The following PRKD1 variants were observed in gnomAD, a reference collection of about 807,000 sequenced individuals.
PRKD1 encodes the protein protein kinase D1, also known as serine/threonine-protein kinase D1.
PRKD1 carries 63 observed loss-of-function variants against 95.9 expected under a neutral mutation model. The observed-to-expected ratio is 0.66, with a 90% CI of 0.54 to 0.81. The LOEUF (loss-of-function observed/expected upper bound fraction) is 0.81, where lower values mean the gene tolerates loss of function less well. Among genes scored for constraint, PRKD1 ranks in the 30% least tolerant of loss-of-function variants. PRKD1 has a pLI of 0.00. For synonymous variants in PRKD1, 425 were observed against 423.1 expected, an observed-to-expected ratio of 1.00 and a Z score of -0.05; for missense variants, 1,048 against 1,165.3, an observed-to-expected ratio of 0.90 and a Z score of 1.47.
At chr14:29,777,353 T>C (rs1449517591) in intron 1 of PRKD1, among the ~76,000 whole-genome samples, 1 of 152,022 alleles carries the variant, frequency 6.6e-6, no homozygotes, top group Admixed American at 6.6e-5. Context: ...ACTGGCAAAC[T>C]GGATAAAGAG....
chr14:29,826,685 A>G (rs1173824653), intron 1 of PRKD1, among the ~76,000 whole-genome samples: 1 of 46,548 alleles, frequency 2.1e-5, no homozygotes, highest in Admixed American at 2.9e-4. Context: ...ATATATATAT[A>G]CACACATATA....
intron 1 of PRKD1, among the ~76,000 whole-genome samples, chr14:29,865,446 A>G (rs2139367200): frequency 6.6e-6 from 1 of 152,312 alleles, no homozygotes; most frequent in East Asian, 1.9e-4. Flanking sequence ...GAAGTGATTC[A>G]TCCTTGAGGG....
At chr14:29,649,118 C>T (rs1881327195) in intron 4 of PRKD1, among the ~76,000 whole-genome samples, 1 of 152,124 alleles carries the variant, frequency 6.6e-6, no homozygotes, top group Non-Finnish European at 1.5e-5. Context: ...TCCTTTTGTT[C>T]CTTGAGTTTT....
intron 1 of PRKD1, among the ~76,000 whole-genome samples, chr14:29,776,740 A>G (rs1888777102): frequency 6.6e-6 from 1 of 152,242 alleles, no homozygotes; most frequent in Non-Finnish European, 1.5e-5. Context: ...ATCCAGGAGA[A>G]CTTCCCCAAA....
intron 4 of PRKD1, among the ~76,000 whole-genome samples, chr14:29,661,526 G>T: frequency 6.6e-6 from 1 of 152,214 alleles, no homozygotes; most frequent in Middle Eastern, 3.4e-3. Flanking sequence ...ATGAAGAAGC[G>T]AAGACATGAA....
chr14:29,765,723 A>G (rs1888227166), intron 1 of PRKD1, among the ~76,000 whole-genome samples: 1 of 152,216 alleles, frequency 6.6e-6, no homozygotes, highest in African/African-American at 2.4e-5. Flanking sequence ...TACAACTATA[A>G]ACAACAATGT....
At chr14:29,765,918 C>T (rs1004686319) in intron 1 of PRKD1, among the ~76,000 whole-genome samples, 4 of 152,068 alleles carry the variant, frequency 2.6e-5, no homozygotes, top group Admixed American at 6.6e-5. Context: ...AACAGGAGAG[C>T]TGGCAATATT....
chr14:29,586,750 T>C (rs1038058636), intron 16 of PRKD1, among the ~76,000 whole-genome samples: 4 of 152,156 alleles, frequency 2.6e-5, no homozygotes, highest in Non-Finnish European at 5.9e-5. Context: ...CAAGCAATTC[T>C]CCTGCCTCAG....
intron 1 of PRKD1, among the ~76,000 whole-genome samples, chr14:29,863,221 G>A (rs1892769142): frequency 6.6e-6 from 1 of 152,112 alleles, no homozygotes; most frequent in Non-Finnish European, 1.5e-5. Flanking sequence ...AGACATTTAG[G>A]TAGGTCCCTT....
At position 29,927,710 on chromosome 14, in the gene PRKD1, T is replaced by G. The variant is rs1216234299; in HGVS notation, c.-198A>C. On this transcript the variant is annotated 5_prime_UTR_variant, in exon 1 of 18. Transcript: ENST00000331968. Reference sequence around the variant, plus strand: ...AGGGGAGGGGACTAAGGGGAGGAGATGGGGAGGAGGGAAAATGGCCGAGGC... The same window carrying G: ...AGGGGAGGGGACTAAGGGGAGGAGAGGGGGAGGAGGGAAAATGGCCGAGGC... The G allele has an allele frequency of 9.2e-5, 17 of 185,714 alleles. No homozygotes were observed. Among genetic ancestry groups the G allele is most frequent in the East Asian group, 3.1e-4 (2 of 6,410 alleles). 11.5% of individuals were successfully genotyped at this position (185,714 alleles called of 1,614,324 possible).
chr14:29,673,261 A>C (rs944183782), intron 2 of PRKD1, among the ~76,000 whole-genome samples: 4 of 152,232 alleles, frequency 2.6e-5, no homozygotes, highest in African/African-American at 7.2e-5. Context: ...AAAGGACGAG[A>C]GAGCTAGAAA....
At chr14:29,621,484 T>C in intron 13 of PRKD1, among the ~76,000 whole-genome samples, 1 of 151,966 alleles carries the variant, frequency 6.6e-6, no homozygotes, top group East Asian at 1.9e-4. Flanking sequence ...TTGGGGGACA[T>C]GATTAGTTTC....
chr14:29,762,885 A>C (rs1417230443), intron 1 of PRKD1, among the ~76,000 whole-genome samples: 1 of 152,148 alleles, frequency 6.6e-6, no homozygotes, highest in African/African-American at 2.4e-5. Context: ...TTGGGATTAC[A>C]GGCACATGCC....
chr14:29,622,831 T>C (rs908227643), intron 13 of PRKD1, among the ~76,000 whole-genome samples: 2 of 152,114 alleles, frequency 1.3e-5, no homozygotes, highest in Non-Finnish European at 2.9e-5. Flanking sequence ...GCAATTGCAG[T>C]AAAATATAGA....
intron 1 of PRKD1, among the ~76,000 whole-genome samples, chr14:29,866,094 A>G (rs1325018921): frequency 1.3e-5 from 2 of 152,188 alleles, no homozygotes; most frequent in Admixed American, 6.6e-5. Context: ...GATGTTTATT[A>G]CAGATAAATC....
intron 1 of PRKD1, chr14:29,751,086 G>A (rs956195795): frequency 1.3e-5 from 2 of 152,122 alleles, no homozygotes; most frequent in Non-Finnish European, 2.9e-5. Context: ...ACATGAACCA[G>A]GCTATGCAAA....
chr14:29,778,240 A>C (rs1358811020), intron 1 of PRKD1, among the ~76,000 whole-genome samples: 1 of 152,216 alleles, frequency 6.6e-6, no homozygotes, highest in Non-Finnish European at 1.5e-5. Context: ...GAGAAGCAAG[A>C]GCAAACACAT....
At chr14:29,792,977 T>C (rs1030536732) in intron 1 of PRKD1, among the ~76,000 whole-genome samples, 1 of 151,920 alleles carries the variant, frequency 6.6e-6, no homozygotes, top group Non-Finnish European at 1.5e-5. Flanking sequence ...TACATGGAAA[T>C]GTAATGGCAA....
intron 1 of PRKD1, among the ~76,000 whole-genome samples, chr14:29,885,330 G>A (rs1376942196): frequency 6.6e-6 from 1 of 151,952 alleles, no homozygotes; most frequent in South Asian, 2.1e-4. Flanking sequence ...TTATTTCTGT[G>A]AGATGAGTTA....
Sources: gnomAD v4.1 joint callset for allele counts (sites outside exome capture counted in the v4.1 genomes callset) on GRCh38, gnomAD v4.1.1 for gene constraint, MANE v1.5 for transcripts, NCBI Gene and HGNC (gene_info 2026-07-23, HGNC 2026-07-21) for gene names.